Variants in XPOT observed in about 807,000 individuals in gnomAD.
XPOT encodes exportin for tRNA, also known as exportin-T.
XPOT carries 34 observed loss-of-function variants against 128.2 expected under a neutral mutation model. The ratio of observed to expected loss-of-function variants is 0.27; its 90% CI spans 0.20 to 0.35. XPOT has a LOEUF of 0.35. Among genes scored for constraint, XPOT ranks in the 10% least tolerant of loss-of-function variants. The pLI, the probability that XPOT is intolerant of heterozygous loss-of-function variation, is 1.00. For missense variants in XPOT, 838 were observed against 1,125.3 expected (o/e 0.74, Z 3.65); for synonymous variants, 348 against 394.3 (o/e 0.88, Z 1.39).
intron 1 of XPOT, among the ~76,000 whole-genome samples, chr12:64,406,142 C>T (rs1157792211): frequency 4.6e-5 from 7 of 152,254 alleles, no homozygotes; most frequent in African/African-American, 1.4e-4. Flanking sequence ...ATGACACGAT[C>T]TCCGCTCACT....
rs1303712467 is a variant in XPOT at position 64,431,532 on chromosome 12, A to T, written c.1977-6A>T. 1 of 1,610,114 alleles carries T rather than the reference A, an allele frequency of 6.2e-7. No homozygotes were observed. The highest frequency in any genetic ancestry group is 8.5e-7 in the Non-Finnish European group (1 of 1,176,992). Reference sequence around the variant, plus strand: ...GCATCTGATTGCCTGATTTTTGCTTATATAGTCGAACCAGTAAAGCTTTCA... The same window carrying T: ...GCATCTGATTGCCTGATTTTTGCTTTTATAGTCGAACCAGTAAAGCTTTCA... On this transcript the variant is annotated splice_polypyrimidine_tract_variant and splice_region_variant and intron_variant, in intron 17 of 24. Coordinates refer to ENST00000332707, the MANE Select transcript of XPOT (RefSeq NM_007235.6).
chr12:64,442,163 C>G (rs2040330156), intron 23 of XPOT, among the ~76,000 whole-genome samples: 1 of 152,126 alleles, frequency 6.6e-6, no homozygotes, highest in Non-Finnish European at 1.5e-5. Context: ...CTCTGTCACC[C>G]AGGCTGGAGT....
chr12:64,408,126 T>C (rs1017800100), intron 1 of XPOT, among the ~76,000 whole-genome samples: 1 of 152,220 alleles, frequency 6.6e-6, no homozygotes, highest in Non-Finnish European at 1.5e-5. Flanking sequence ...TTTGTTTTTT[T>C]TGAGACAGAG....
At chr12:64,414,517 C>T (rs2040069206) in intron 2 of XPOT, among the ~76,000 whole-genome samples, 1 of 152,112 alleles carries the variant, frequency 6.6e-6, no homozygotes, top group African/African-American at 2.4e-5. Context: ...GAAAAGTGCC[C>T]TTCACGTGCC....
chr12:64,417,892 A>T (rs1269068215), intron 4 of XPOT, among the ~76,000 whole-genome samples, 154 bp from the exon 5 acceptor site: 2 of 152,368 alleles, frequency 1.3e-5, no homozygotes, highest in Middle Eastern at 3.4e-3. Context: ...TTATCTTTAA[A>T]GCAATGATGA....
chr12:64,435,027 G>A, intron 21 of XPOT, 118 bp downstream of exon 21: 1 of 821,546 alleles, frequency 1.2e-6, no homozygotes, highest in Non-Finnish European at 1.9e-6. Context: ...AGTGATTTCA[G>A]ATCAGGGTTC....
At position 64,421,273 on chromosome 12, in the gene XPOT, G is replaced by A; in HGVS notation, c.882G>A (p.Leu294=). The A allele has an allele frequency of 1.2e-6, 2 of 1,613,810 alleles. No individual in the cohort carries two copies. Residue 294 remains leucine (L), a synonymous_variant, in exon 9 of 25, where the codon TTG becomes TTA. Coordinates refer to ENST00000332707, the MANE Select transcript of XPOT (RefSeq NM_007235.6). ...ACTTCCTGGCCAGATTTTCTAAGTT[G>A]GTAAATGGAATGGGACAGTCATTGA... ...DVDFLARFSK[L]VNGMGQSLIV...
At chr12:64,419,520 G>A (rs1383195974) in intron 6 of XPOT, among the ~76,000 whole-genome samples, 2 of 152,092 alleles carry the variant, frequency 1.3e-5, no homozygotes, top group Admixed American at 6.5e-5. Flanking sequence ...GTTTCGCCAG[G>A]CTGTGCTCAA....
In XPOT at chr12:64,422,780, C is replaced by T. The variant is rs115693918; in HGVS notation, c.1081-225C>T. 3.2e-3 allele frequency among the ~76,000 whole-genome samples: 485 copies of T among 151,486 alleles called. 5 individuals carry two copies. The highest frequency in any genetic ancestry group is 0.011 in the African/African-American group (460 of 41,320). ...AGCCAAGTGTGGTGGCACATGCCTG[C>T]GGTCCCAGCTAACTTGGGAGGGTGA... On this transcript the variant is annotated intron_variant, in intron 9 of 24. Transcript: ENST00000332707.
At chr12:64,408,710 G>T (rs567996233) in intron 1 of XPOT, among the ~76,000 whole-genome samples, 1 of 151,968 alleles carries the variant, frequency 6.6e-6, no homozygotes, top group East Asian at 1.9e-4. Flanking sequence ...ATCTCACTCT[G>T]TTCTCCAGGC....
In XPOT at chr12:64,448,607, CA is replaced by C. The variant is rs1238523906; in HGVS notation, c.*480del. On this transcript the variant is annotated 3_prime_UTR_variant, in exon 25 of 25. Coordinates refer to ENST00000332707, the MANE Select transcript of XPOT (RefSeq NM_007235.6). Reference sequence around the variant, plus strand: ...TGTTTCAACGCCAATATGTATTCTACAAAAGAGAATGGTTTTAGGCTCCAGT... The same window carrying C: ...TGTTTCAACGCCAATATGTATTCTACAAAGAGAATGGTTTTAGGCTCCAGT... 2 of 152,568 alleles carry C rather than the reference CA, an allele frequency of 1.3e-5. No individual in the cohort carries two copies. The highest frequency in any genetic ancestry group is 1.3e-4 in the Admixed American group (2 of 15,280). 9.5% of individuals were successfully genotyped at this position (152,568 alleles called of 1,614,324 possible).
At chr12:64,444,588 G>A (rs1405007715) in intron 23 of XPOT, among the ~76,000 whole-genome samples, 1 of 152,162 alleles carries the variant, frequency 6.6e-6, no homozygotes, top group African/African-American at 2.4e-5. Flanking sequence ...ATTTGTTTGA[G>A]ATATCTAAAG....
chr12:64,418,667 T>C (rs779574646), intron 5 of XPOT, among the ~76,000 whole-genome samples: 1 of 152,226 alleles, frequency 6.6e-6, no homozygotes, highest in African/African-American at 2.4e-5. Context: ...AATGGTTCAT[T>C]TAATTGTTCT....
At chr12:64,428,553 G>A (rs1310828059) in intron 16 of XPOT, among the ~76,000 whole-genome samples, 1 of 151,748 alleles carries the variant, frequency 6.6e-6, no homozygotes, top group Non-Finnish European at 1.5e-5. Flanking sequence ...GTCATTTCAG[G>A]CTTAGGGTAA....
At chr12:64,408,211 G>T (rs2040001194) in intron 1 of XPOT, among the ~76,000 whole-genome samples, 1 of 152,178 alleles carries the variant, frequency 6.6e-6, no homozygotes, top group South Asian at 2.1e-4. Context: ...CTGGGTTCAA[G>T]CGATTCTCCT....
chr12:64,426,714 G>A (rs149333126), intron 15 of XPOT, among the ~76,000 whole-genome samples: 6,030 of 152,272 alleles, frequency 0.04, 394 homozygotes, highest in African/African-American at 0.14. Flanking sequence ...CTGGCGCGGT[G>A]GCCCACGCCT....
At chr12:64,429,949 G>T in intron 16 of XPOT, 100 bp from the exon 17 acceptor site, 1 of 1,079,946 alleles carries the variant, frequency 9.3e-7, no homozygotes, top group Non-Finnish European at 1.3e-6. Flanking sequence ...CATATGAGTT[G>T]GTGTGATAGA....
rs745483707 is a variant in XPOT, at chr12:64,428,129, CTG to C, written c.1737+11_1737+12del. On this transcript the variant is annotated intron_variant, in intron 16 of 24. Coordinates refer to ENST00000332707, the MANE Select transcript of XPOT (RefSeq NM_007235.6). ...TAGAGCTTTCTCCACCTGTAAGTAT[CTG>C]TCTCTTTAAGATATTTTACCCAGAA... The C allele has an allele frequency of 5.3e-5, 80 of 1,520,276 alleles. No homozygotes were observed. In the East Asian group the frequency reaches 1.7e-3, roughly 32 times the overall value. The allele number at this position is 1,520,276 out of a possible 1,614,324, so 94.2% of individuals were successfully genotyped here.
At chr12:64,439,373 C>T (rs1197682324) in intron 23 of XPOT, 58 bp downstream of exon 23, 7 of 1,465,808 alleles carry the variant, frequency 4.8e-6, no homozygotes, top group Non-Finnish European at 6.7e-6. Flanking sequence ...GCAGCATTGC[C>T]TGTGACATTG....
Sources: allele counts gnomAD v4.1 joint callset (sites outside exome capture counted in the v4.1 genomes callset), GRCh38; gene constraint gnomAD v4.1.1; transcripts MANE v1.5; gene names NCBI Gene and HGNC (gene_info 2026-07-23, HGNC 2026-07-21).